PCDHA1: variants seen among roughly 807,000 people sequenced by gnomAD.
The protein encoded by PCDHA1 is protocadherin alpha-1.
In PCDHA1, 42 loss-of-function variants were observed where a neutral mutation model predicts 61.3. That is an observed-to-expected ratio of 0.69 (90% CI 0.54 to 0.89). The LOEUF (loss-of-function observed/expected upper bound fraction) is 0.89. PCDHA1 is among the 40% of genes least tolerant of loss of function. The probability of loss-of-function intolerance (pLI) is 0.00; values close to 1 mark genes in which losing one functional copy is unlikely to be tolerated. For synonymous variants in PCDHA1, 610 were observed against 553.8 expected (o/e 1.10, Z -1.43); for missense variants, 1,256 against 1,235.3 (o/e 1.02, Z -0.25).
intron 1 of PCDHA1, chr5:140,969,039 A>G: frequency 6.2e-7 from 1 of 1,614,130 alleles, no homozygotes; most frequent in Non-Finnish European, 8.5e-7. Context: ...GAACTGTACA[A>G]ACAAGCCAAC....
In PCDHA1 at chr5:140,843,412, C is replaced by G. The variant is rs2150359416; in HGVS notation, c.2394+54728C>G. On this transcript the variant is annotated intron_variant, in intron 1 of 3. Transcript: ENST00000504120. ...CGGAAGCGGCGCTGGTGGATGTCAA[C>G]GTGTACCTGATCATCGCCATCTGCG... is the stretch of plus-strand genomic sequence containing the variant. 36 of 1,595,950 alleles carry G rather than the reference C, an allele frequency of 2.3e-5. 4 individuals carry two copies. The highest frequency in any genetic ancestry group is 6.6e-5 in the South Asian group (6 of 90,510).
At chr5:140,843,714 A>G (rs2150365461) in intron 1 of PCDHA1, 11 of 1,569,726 alleles carry the variant, frequency 7.0e-6, no homozygotes, top group Admixed American at 6.9e-5. Flanking sequence ...CATGGCCTCA[A>G]AGTAAGTCCA....
In PCDHA1 at chr5:140,996,437, G is replaced by A. The variant is rs1013018828; in HGVS notation, c.2543-13190G>A. On this transcript the variant is annotated intron_variant, in intron 3 of 3. Coordinates refer to ENST00000504120, the MANE Select transcript of PCDHA1 (RefSeq NM_018900.4). Reference sequence around the variant, plus strand: ...AGTGTGAAAACTTTGGGAATAGTCAGTGTCAAGTTGTGGTGCTAAGGGAGG... The same window carrying A: ...AGTGTGAAAACTTTGGGAATAGTCAATGTCAAGTTGTGGTGCTAAGGGAGG... Among the ~76,000 whole-genome samples the A allele has an allele frequency of 4.6e-5, 7 of 152,224 alleles. 1 individual carries two copies. The highest frequency in any genetic ancestry group is 2.6e-4 in the Admixed American group (4 of 15,280).
intron 1 of PCDHA1, chr5:140,866,579 G>A (rs2049440989): frequency 6.6e-6 from 1 of 152,136 alleles, no homozygotes; most frequent in African/African-American, 2.4e-5. Context: ...ACAGTGGTTG[G>A]ATAATGTAAT....
chr5:140,928,057 G>A, intron 1 of PCDHA1: 1 of 1,614,178 alleles, frequency 6.2e-7, no homozygotes. Context: ...TCAGCTGACG[G>A]CTTCCTTTGA....
intron 1 of PCDHA1, among the ~76,000 whole-genome samples, chr5:140,887,146 G>A (rs1160453059): frequency 9.9e-5 from 15 of 151,600 alleles, no homozygotes; most frequent in Non-Finnish European, 2.1e-4. Context: ...GCCCAGGCTG[G>A]AGTACAGTGG....
intron 1 of PCDHA1, chr5:140,967,061 C>T: frequency 6.2e-7 from 1 of 1,612,886 alleles, no homozygotes; most frequent in Non-Finnish European, 8.5e-7. Context: ...GAGTGGAGCG[C>T]TCTTCGTCAA....
rs1554164701 is a variant in PCDHA1 at position 140,870,777 on chromosome 5, C to T, written c.2394+82093C>T. The T allele has an allele frequency of 3.1e-6, 5 of 1,613,610 alleles. No individual in the cohort carries two copies. In the African/African-American group the frequency reaches 4.0e-5, roughly 13 times the overall value. On this transcript the variant is annotated intron_variant, in intron 1 of 3. Coordinates refer to ENST00000504120, the MANE Select transcript of PCDHA1 (RefSeq NM_018900.4). Reference sequence around the variant, plus strand: ...TGCAGGTGTTCGTGCTGGACGAGAACGACAACGCGCCGGCACTGCTGGCGA... The same window carrying T: ...TGCAGGTGTTCGTGCTGGACGAGAATGACAACGCGCCGGCACTGCTGGCGA...
At chr5:140,834,559 T>A in intron 1 of PCDHA1, 2 of 1,614,090 alleles carry the variant, frequency 1.2e-6, no homozygotes, top group Middle Eastern at 1.7e-4. Context: ...CTGGCGGAGC[T>A]GGTGCCGCGC....
intron 1 of PCDHA1, chr5:140,882,107 A>C: frequency 7.3e-7 from 1 of 1,367,220 alleles, no homozygotes; most frequent in Non-Finnish European, 9.8e-7. Flanking sequence ...TTCCGCGAAG[A>C]AAGCCGCCGT....
chr5:140,966,850 CCTGCTGCTGTTG>C (rs1409933796), intron 1 of PCDHA1: 1 of 1,572,784 alleles, frequency 6.4e-7, no homozygotes, highest in Non-Finnish European at 8.6e-7. Context: ...TACTGCCTCT[CCTGCTGCTGTTG>C]CTGCTGCTGC....
At chr5:140,938,870 A>C (rs560302282) in intron 1 of PCDHA1, among the ~76,000 whole-genome samples, 1 of 152,264 alleles carries the variant, frequency 6.6e-6, no homozygotes, top group South Asian at 2.1e-4. Flanking sequence ...TTAAAAGTTA[A>C]GAAGCAACAC....
chr5:140,808,107 A>T (rs145409201), intron 1 of PCDHA1: 2 of 1,613,886 alleles, frequency 1.2e-6, no homozygotes, highest in African/African-American at 2.7e-5. Flanking sequence ...GTAAAGGGAT[A>T]TATTGACTTT....
intron 1 of PCDHA1, chr5:140,802,535 C>A (rs114741177): frequency 1.2e-6 from 2 of 1,614,142 alleles, no homozygotes; most frequent in South Asian, 2.2e-5. Flanking sequence ...TGGAGGTGGC[C>A]GACGTGAACG....
chr5:140,817,601 C>T (rs1766165103), intron 1 of PCDHA1: 2 of 152,202 alleles, frequency 1.3e-5, no homozygotes, highest in Admixed American at 1.3e-4. Flanking sequence ...CCAGGCAACG[C>T]TAAGACCTTG....
intron 1 of PCDHA1, chr5:140,928,441 C>A: frequency 4.3e-6 from 7 of 1,614,140 alleles, no homozygotes; most frequent in Non-Finnish European, 5.9e-6. Context: ...TGACTTTGAG[C>A]AGCTCAGGGG....
At chr5:140,823,072 TCG>T (rs2150121964) in intron 1 of PCDHA1, 15 of 1,613,862 alleles carry the variant, frequency 9.3e-6, no homozygotes, top group Non-Finnish European at 1.3e-5. Context: ...GGGCTCGCCT[TCG>T]CTGTGGGCCA....
At chr5:140,944,439 G>A (rs1022400391) in intron 1 of PCDHA1, among the ~76,000 whole-genome samples, 7 of 152,022 alleles carry the variant, frequency 4.6e-5, no homozygotes, top group African/African-American at 1.2e-4. Context: ...TGCCTGCCTC[G>A]GCCTCCCAAA....
chr5:140,928,128 A>C (rs782708968), intron 1 of PCDHA1: 1 of 1,614,194 alleles, frequency 6.2e-7, no homozygotes, highest in Admixed American at 1.7e-5. Context: ...GTGAATACCA[A>C]GTCCTGATCA....
Sources: allele counts gnomAD v4.1 joint callset (sites outside exome capture counted in the v4.1 genomes callset), GRCh38; gene constraint gnomAD v4.1.1; transcripts MANE v1.5; gene names NCBI Gene and HGNC (gene_info 2026-07-23, HGNC 2026-07-21).